SH3PXD2B: variants seen among roughly 807,000 people sequenced by gnomAD.
The protein encoded by SH3PXD2B is SH3 and PX domain-containing protein 2B.
In SH3PXD2B, 37 loss-of-function variants were observed where a neutral mutation model predicts 73.1. The observed-to-expected ratio is 0.51, with a 90% CI of 0.39 to 0.67. The LOEUF (loss-of-function observed/expected upper bound fraction) is 0.67. Ranked by LOEUF, SH3PXD2B falls within the 30% of genes least tolerant of loss-of-function variation. SH3PXD2B has a pLI of 0.00. For synonymous variants in SH3PXD2B, 457 were observed against 480.5 expected (o/e 0.95, Z 0.64); for missense variants, 1,053 against 1,197.8 (o/e 0.88, Z 1.78).
chr5:172,364,103 C>T (rs780451425), intron 6 of SH3PXD2B, among the ~76,000 whole-genome samples: 4 of 151,958 alleles, frequency 2.6e-5, no homozygotes, highest in Non-Finnish European at 4.4e-5. Context: ...CCTGGTTAAG[C>T]GCTAAGACAT....
intron 5 of SH3PXD2B, among the ~76,000 whole-genome samples, chr5:172,380,631 C>A (rs968531202): frequency 1.3e-5 from 2 of 152,168 alleles, no homozygotes; most frequent in Admixed American, 1.3e-4. Context: ...AGCGAAACAC[C>A]CCAAATTATC....
intron 2 of SH3PXD2B, among the ~76,000 whole-genome samples, chr5:172,420,584 G>A (rs1178380917): frequency 1.3e-5 from 2 of 152,178 alleles, no homozygotes; most frequent in East Asian, 1.9e-4. Flanking sequence ...GTCTTCTGAC[G>A]GCCAGGAAAT....
In SH3PXD2B at chr5:172,353,874, G is replaced by A. The variant is rs777843487; in HGVS notation, c.785+14C>T. 1.8e-5 allele frequency: 29 copies of A among 1,607,142 alleles called. No individual in the cohort carries two copies. The Middle Eastern group carries it at 9.3e-4, about 51-fold the overall frequency. On this transcript the variant is annotated intron_variant, in intron 9 of 12. Transcript: ENST00000311601. The surrounding 1 kb of genome is among the most constrained non-coding windows in gnomAD (Gnocchi z 4.3). ...CAAACCCACCCAGCAACCGTGGGGG[G>A]CAGCGGCTGGTACCTGATCTTCCAC... is the stretch of plus-strand genomic sequence containing the variant.
At chr5:172,382,230 T>C (rs1757965280) in intron 4 of SH3PXD2B, 103 bp from the exon 5 acceptor site, 3 of 931,830 alleles carry the variant, frequency 3.2e-6, no homozygotes, top group African/African-American at 1.7e-5. Context: ...GCAAGATAAT[T>C]GTTTGAACCT....
At chr5:172,435,680 T>C (rs1759372327) in intron 1 of SH3PXD2B, among the ~76,000 whole-genome samples, 1 of 152,200 alleles carries the variant, frequency 6.6e-6, no homozygotes, top group Non-Finnish European at 1.5e-5. Flanking sequence ...TGCCTCGGCC[T>C]CCCAAAGTGC....
At chr5:172,394,725 C>T in intron 3 of SH3PXD2B, 86 bp from the exon 4 acceptor site, 5 of 1,445,532 alleles carry the variant, frequency 3.5e-6, no homozygotes, top group South Asian at 1.2e-5. Flanking sequence ...ATGGCGGTTC[C>T]TAGGGTAGGT....
rs182355758 is a variant in SH3PXD2B at position 172,380,959 on chromosome 5, A to G, written c.401+1077T>C. Among the ~76,000 whole-genome samples the G allele has an allele frequency of 7.9e-5, 12 of 152,334 alleles. No individual in the cohort carries two copies. The East Asian group carries it at 2.3e-3, about 29-fold the overall frequency. On this transcript the variant is annotated intron_variant, in intron 5 of 12. Transcript: ENST00000311601. ...CGGAAGTCTGTGAACTCGATTTTGG[A>G]GGTCGCTGTGTGTGTGTATAAATAT...
In SH3PXD2B at chr5:172,334,569, C is replaced by A; in HGVS notation, c.*3800G>T. ...GCTGTTAGGTGTCCACTGTCACAGT[C>A]CAAAGAGAAAGGTACGGCCTCCAAG... On this transcript the variant is annotated 3_prime_UTR_variant, in exon 13 of 13. Transcript: ENST00000311601. 4.1e-6 allele frequency: 4 copies of A among 985,510 alleles called. No individual in the cohort carries two copies. The highest frequency in any genetic ancestry group is 4.8e-6 in the Non-Finnish European group (4 of 830,008). 61.0% of individuals were successfully genotyped at this position (985,510 alleles called of 1,614,324 possible).
chr5:172,350,767 G>A (rs1019252069), intron 9 of SH3PXD2B, among the ~76,000 whole-genome samples, 178 bp from the exon 10 acceptor site: 1 of 152,208 alleles, frequency 6.6e-6, no homozygotes, highest in African/African-American at 2.4e-5. Context: ...TAAGCCCTGA[G>A]CTTGGTATTT....
At chr5:172,355,658 C>A (rs1201295170) in intron 8 of SH3PXD2B, among the ~76,000 whole-genome samples, 1 of 152,046 alleles carries the variant, frequency 6.6e-6, no homozygotes, top group Admixed American at 6.6e-5. Flanking sequence ...CATTCTCCTG[C>A]CTCAGCCTCC....
chr5:172,361,724 T>C (rs746438032), intron 7 of SH3PXD2B, among the ~76,000 whole-genome samples: 3 of 152,204 alleles, frequency 2.0e-5, no homozygotes, highest in African/African-American at 4.8e-5. Flanking sequence ...ACTGAGTTAT[T>C]TGGAGTCATG....
At chr5:172,359,301 C>G (rs1392400265) in intron 7 of SH3PXD2B, among the ~76,000 whole-genome samples, 3 of 148,202 alleles carry the variant, frequency 2.0e-5, no homozygotes, top group African/African-American at 5.0e-5. Flanking sequence ...TTGGGAGGAT[C>G]ACCTGAGCCC....
At chr5:172,431,841 C>T (rs1226260898) in intron 1 of SH3PXD2B, among the ~76,000 whole-genome samples, 1 of 152,108 alleles carries the variant, frequency 6.6e-6, no homozygotes, top group Non-Finnish European at 1.5e-5. Flanking sequence ...CAATACATAA[C>T]TTTGTTGCGT....
At chr5:172,381,944 T>G in intron 5 of SH3PXD2B, 92 bp downstream of exon 5, 1 of 993,024 alleles carries the variant, frequency 1.0e-6, no homozygotes, top group Non-Finnish European at 1.5e-6. Context: ...GAAACCCACT[T>G]TTGGCTGCAC....
At chr5:172,409,070 C>T (rs1032538809) in intron 2 of SH3PXD2B, among the ~76,000 whole-genome samples, 1 of 152,084 alleles carries the variant, frequency 6.6e-6, no homozygotes, top group African/African-American at 2.4e-5. Context: ...TAACTATAGT[C>T]ATCCCACAGT....
At chr5:172,431,588 A>C (rs1014322399) in intron 1 of SH3PXD2B, among the ~76,000 whole-genome samples, 1 of 152,250 alleles carries the variant, frequency 6.6e-6, no homozygotes, top group Non-Finnish European at 1.5e-5. Context: ...CTTAGGTAAA[A>C]AGAACAAGCT....
chr5:172,397,514 G>T (rs1396618303), intron 3 of SH3PXD2B, among the ~76,000 whole-genome samples: 1 of 152,080 alleles, frequency 6.6e-6, no homozygotes, highest in Admixed American at 6.5e-5. Context: ...CAGCTTGGGG[G>T]GCATCACAGA....
chr5:172,364,773 C>A (rs549161203), intron 6 of SH3PXD2B, among the ~76,000 whole-genome samples: 139 of 152,314 alleles, frequency 9.1e-4, no homozygotes, highest in African/African-American at 3.1e-3. Flanking sequence ...CATCTCTCCC[C>A]ACTCTGTTGG....
intron 4 of SH3PXD2B, among the ~76,000 whole-genome samples, chr5:172,391,023 T>C (rs895200403): frequency 2.0e-5 from 3 of 152,118 alleles, no homozygotes; most frequent in Admixed American, 1.3e-4. Flanking sequence ...GTATTTTTAG[T>C]AGAGATGGGG....
Sources: allele counts gnomAD v4.1 joint callset (sites outside exome capture counted in the v4.1 genomes callset), GRCh38; gene constraint gnomAD v4.1.1; non-coding constraint Gnocchi (gnomAD v3.1); transcripts MANE v1.5; gene names NCBI Gene and HGNC (gene_info 2026-07-23, HGNC 2026-07-21).